MED27: variants seen among roughly 807,000 people sequenced by gnomAD.
MED27 encodes the protein mediator complex subunit 27.
In MED27, 30 loss-of-function variants were observed where a neutral mutation model predicts 38.2. That is an observed-to-expected ratio of 0.79 (90% confidence interval 0.59 to 1.07). The LOEUF is 1.07. Among genes scored for constraint, MED27 ranks in the 50% least tolerant of loss-of-function variants. MED27 has a pLI of 0.00. For missense variants in MED27, 289 were observed against 397.5 expected (o/e 0.73, Z 2.32); for synonymous variants, 122 against 153.5 (o/e 0.79, Z 1.52).
chr9:132,079,297 A>AC (rs1301705749), intron 1 of MED27, among the ~76,000 whole-genome samples: 1 of 152,180 alleles, frequency 6.6e-6, no homozygotes, highest in Non-Finnish European at 1.5e-5. Context: ...TTCGGATCAG[A>AC]CGTGATGGGG....
intron 3 of MED27, among the ~76,000 whole-genome samples, chr9:131,944,305 T>G (rs1830841290): frequency 6.6e-6 from 1 of 152,160 alleles, no homozygotes; most frequent in South Asian, 2.1e-4. Flanking sequence ...ACAGGTGGTC[T>G]GCATAAATAC....
At chr9:131,943,168 T>C (rs1830817555) in intron 3 of MED27, among the ~76,000 whole-genome samples, 1 of 152,178 alleles carries the variant, frequency 6.6e-6, no homozygotes, top group Non-Finnish European at 1.5e-5. Context: ...ATTATGTATT[T>C]GCCAAAAGGG....
chr9:131,980,922 C>A (rs1483586024), intron 3 of MED27, among the ~76,000 whole-genome samples: 2 of 152,118 alleles, frequency 1.3e-5, no homozygotes, highest in East Asian at 3.9e-4. Flanking sequence ...GGAAATAAAA[C>A]CCTGGAGGAA....
chr9:131,963,091 T>C (rs572937064), intron 3 of MED27, among the ~76,000 whole-genome samples: 2 of 152,276 alleles, frequency 1.3e-5, no homozygotes, highest in Admixed American at 6.5e-5. Context: ...CAGTAAAATA[T>C]TAAAGCATAA....
intron 4 of MED27, among the ~76,000 whole-genome samples, chr9:131,924,270 C>G (rs1830445072): frequency 6.6e-6 from 1 of 152,092 alleles, no homozygotes; most frequent in Non-Finnish European, 1.5e-5. Flanking sequence ...TTTTGCCAAT[C>G]TGGTAGGTGA....
intron 4 of MED27, among the ~76,000 whole-genome samples, chr9:131,936,537 G>A (rs1830689266): frequency 6.6e-6 from 1 of 152,232 alleles, no homozygotes; most frequent in Admixed American, 6.5e-5. Flanking sequence ...TGGGCTCAGG[G>A]CAAGGAGCAA....
At chr9:131,882,043 C>T (rs1452929230) in intron 6 of MED27, among the ~76,000 whole-genome samples, 4 of 152,008 alleles carry the variant, frequency 2.6e-5, no homozygotes, top group East Asian at 1.9e-4. Context: ...CATGAGCCAC[C>T]GCACCCGGCC....
intron 2 of MED27, among the ~76,000 whole-genome samples, chr9:132,053,351 G>A (rs776210355): frequency 1.1e-4 from 16 of 152,008 alleles, no homozygotes; most frequent in African/African-American, 2.2e-4. Context: ...AATGGGGTAC[G>A]GAGGTGCTAA....
intron 2 of MED27, among the ~76,000 whole-genome samples, chr9:132,045,405 G>A (rs1323388436): frequency 4.5e-5 from 6 of 133,998 alleles, no homozygotes; most frequent in Non-Finnish European, 9.4e-5. Context: ...TGTCTAAGAA[G>A]AGGAAATTAC....
At chr9:131,892,682 C>T (rs1185159057) in intron 5 of MED27, among the ~76,000 whole-genome samples, 2 of 152,264 alleles carry the variant, frequency 1.3e-5, no homozygotes, top group South Asian at 2.1e-4. Context: ...ATGGTCTCTG[C>T]GAGGGTATAC....
intron 2 of MED27, among the ~76,000 whole-genome samples, chr9:132,054,113 T>C (rs61363285): frequency 0.15 from 23,151 of 152,120 alleles, 1,893 homozygotes; most frequent in African/African-American, 0.19. Flanking sequence ...TGGATATTTG[T>C]TCCTGCCCAA....
chr9:132,014,873 C>A (rs539817873), intron 2 of MED27, among the ~76,000 whole-genome samples: 3 of 152,222 alleles, frequency 2.0e-5, no homozygotes, highest in Admixed American at 1.3e-4. Flanking sequence ...TAGTAGAATT[C>A]GAGTGATTTT....
intron 6 of MED27, among the ~76,000 whole-genome samples, chr9:131,877,561 G>C (rs1315682873): frequency 6.6e-6 from 1 of 152,152 alleles, no homozygotes; most frequent in Non-Finnish European, 1.5e-5. Flanking sequence ...GGGCGACAGA[G>C]TGGGACCCCG....
intron 4 of MED27, among the ~76,000 whole-genome samples, chr9:131,937,058 G>A (rs1267588088): frequency 1.3e-5 from 2 of 152,100 alleles, no homozygotes; most frequent in African/African-American, 2.4e-5. Context: ...ACACTTTTTG[G>A]GGAACAGGTG....
intron 6 of MED27, among the ~76,000 whole-genome samples, chr9:131,864,075 C>T (rs546651565): frequency 4.0e-4 from 61 of 152,266 alleles, no homozygotes; most frequent in Non-Finnish European, 6.2e-4. Flanking sequence ...TGTTAATGCC[C>T]GCCGTCAATC....
intron 2 of MED27, among the ~76,000 whole-genome samples, chr9:132,073,056 A>G (rs1833975488): frequency 6.6e-6 from 1 of 152,060 alleles, no homozygotes; most frequent in Admixed American, 6.5e-5. Flanking sequence ...GCAACTCCAA[A>G]AAACTTCCAC....
intron 3 of MED27, among the ~76,000 whole-genome samples, chr9:131,952,430 G>A (rs1831017162): frequency 6.6e-6 from 1 of 152,184 alleles, no homozygotes; most frequent in Admixed American, 6.5e-5. Context: ...GGGGGCAGCA[G>A]CAGCTATGTT....
At chr9:132,061,198 T>C (rs1042845730) in intron 2 of MED27, among the ~76,000 whole-genome samples, 1 of 152,158 alleles carries the variant, frequency 6.6e-6, no homozygotes, top group African/African-American at 2.4e-5. Flanking sequence ...ACTTCAGACA[T>C]AAGTTCTCCA....
intron 2 of MED27, among the ~76,000 whole-genome samples, chr9:132,038,640 C>G (rs1833136528): frequency 1.3e-5 from 2 of 152,148 alleles, no homozygotes; most frequent in Admixed American, 1.3e-4. Context: ...TGGGAGTGGG[C>G]TGCAATGTTA....
Sources: allele counts gnomAD v4.1 joint callset (sites outside exome capture counted in the v4.1 genomes callset), GRCh38; gene constraint gnomAD v4.1.1; transcripts MANE v1.5; gene names NCBI Gene and HGNC (gene_info 2026-07-23, HGNC 2026-07-21).